The following HCN1 variants were observed in gnomAD, a reference collection of about 807,000 sequenced individuals.
The protein encoded by HCN1 is potassium/sodium hyperpolarization-activated cyclic nucleotide-gated channel 1.
HCN1 carries 13 observed loss-of-function variants against 78.9 expected under a neutral mutation model. That is an observed-to-expected ratio of 0.16 (90% CI 0.11 to 0.26). The LOEUF is 0.26. Among genes scored for constraint, HCN1 ranks in the 10% least tolerant of loss-of-function variants. HCN1 has a pLI of 1.00. For missense variants in HCN1, 810 were observed against 1,154.3 expected (o/e 0.70, Z 4.32); for synonymous variants, 552 against 455.5 (o/e 1.21, Z -2.70).
intron 1 of HCN1, among the ~76,000 whole-genome samples, chr5:45,666,559 C>G (rs1746053384): frequency 6.6e-6 from 1 of 151,954 alleles, no homozygotes; most frequent in Non-Finnish European, 1.5e-5. Flanking sequence ...TAATACATTC[C>G]CTGAATCATG....
At chr5:45,568,768 T>A (rs1743767653) in intron 2 of HCN1, among the ~76,000 whole-genome samples, 1 of 152,136 alleles carries the variant, frequency 6.6e-6, no homozygotes, top group South Asian at 2.1e-4. Context: ...GTTCTTTTTT[T>A]AAGTAGCTTT....
chr5:45,348,383 G>A (rs1335497755), intron 5 of HCN1, among the ~76,000 whole-genome samples: 1 of 151,870 alleles, frequency 6.6e-6, no homozygotes, highest in Non-Finnish European at 1.5e-5. Context: ...ACATGGAAAG[G>A]AACGACCGGT....
intron 2 of HCN1, among the ~76,000 whole-genome samples, chr5:45,491,021 C>T (rs1741872215): frequency 2.0e-5 from 3 of 152,088 alleles, no homozygotes; most frequent in Admixed American, 6.6e-5. Flanking sequence ...GTTTTCCTAT[C>T]TTTATGAATC....
chr5:45,455,151 C>T (rs571620364), intron 3 of HCN1, among the ~76,000 whole-genome samples: 3 of 151,970 alleles, frequency 2.0e-5, no homozygotes, highest in African/African-American at 7.2e-5. Context: ...ACTGTACTCC[C>T]TGGGTATCTA....
At chr5:45,658,049 A>C (rs1012656277) in intron 1 of HCN1, among the ~76,000 whole-genome samples, 1 of 152,174 alleles carries the variant, frequency 6.6e-6, no homozygotes, top group Non-Finnish European at 1.5e-5. Context: ...CAGATAGATC[A>C]ATGGAACAGA....
chr5:45,582,935 A>C (rs1398154030), intron 2 of HCN1, among the ~76,000 whole-genome samples: 1 of 151,794 alleles, frequency 6.6e-6, no homozygotes, highest in Non-Finnish European at 1.5e-5. Flanking sequence ...TATTTTATTG[A>C]GGATTTTGGC....
intron 3 of HCN1, among the ~76,000 whole-genome samples, chr5:45,418,557 A>G (rs928442571): frequency 6.6e-6 from 1 of 151,960 alleles, no homozygotes; most frequent in African/African-American, 2.4e-5. Flanking sequence ...AAAAGATATT[A>G]TGGTAGAATA....
At chr5:45,375,370 A>T (rs1309865172) in intron 4 of HCN1, among the ~76,000 whole-genome samples, 21 of 107,184 alleles carry the variant, frequency 2.0e-4, no homozygotes, top group South Asian at 5.4e-4. Context: ...ATGATATACA[A>T]TATATATAAT....
intron 4 of HCN1, among the ~76,000 whole-genome samples, chr5:45,357,847 C>T (rs1432947214): frequency 6.6e-6 from 1 of 151,918 alleles, no homozygotes; most frequent in Non-Finnish European, 1.5e-5. Context: ...GGGGTGGATC[C>T]CTCAAGGACA....
At chr5:45,650,782 CT>C (rs1384596920) in intron 1 of HCN1, among the ~76,000 whole-genome samples, 1 of 151,626 alleles carries the variant, frequency 6.6e-6, no homozygotes, top group Admixed American at 6.6e-5. Context: ...TTCAGTCATA[CT>C]TTTTTTTCTC....
At chr5:45,416,600 T>G (rs1290562660) in intron 3 of HCN1, among the ~76,000 whole-genome samples, 4 of 151,944 alleles carry the variant, frequency 2.6e-5, no homozygotes, top group Admixed American at 2.6e-4. Context: ...ATAGATTTGG[T>G]AAGAGAAGGA....
At chr5:45,570,383 C>A (rs1303064676) in intron 2 of HCN1, among the ~76,000 whole-genome samples, 2 of 152,020 alleles carry the variant, frequency 1.3e-5, no homozygotes, top group East Asian at 3.9e-4. Context: ...TTCACCTTAT[C>A]ATCTCCATGT....
chr5:45,383,073 G>A (rs1041981283), intron 4 of HCN1, among the ~76,000 whole-genome samples: 6 of 152,144 alleles, frequency 3.9e-5, no homozygotes, highest in African/African-American at 1.2e-4. Context: ...ACTACTATTA[G>A]AGATGAAGAA....
chr5:45,502,600 A>G (rs1742212530), intron 2 of HCN1, among the ~76,000 whole-genome samples: 1 of 152,114 alleles, frequency 6.6e-6, no homozygotes, highest in Non-Finnish European at 1.5e-5. Flanking sequence ...AATGATAACT[A>G]TAATTCACAA....
chr5:45,419,823 A>G (rs79060121), intron 3 of HCN1, among the ~76,000 whole-genome samples: 4,734 of 152,240 alleles, frequency 0.031, 280 homozygotes, highest in African/African-American at 0.11. Flanking sequence ...CATTTCTGTT[A>G]CTACTATTCC....
intron 6 of HCN1, among the ~76,000 whole-genome samples, chr5:45,279,830 A>C (rs762377576): frequency 6.6e-6 from 1 of 152,150 alleles, no homozygotes; most frequent in African/African-American, 2.4e-5. Flanking sequence ...TAACACCCCC[A>C]AAATTAATAG....
intron 3 of HCN1, among the ~76,000 whole-genome samples, chr5:45,403,692 G>T (rs1203047644): frequency 6.6e-6 from 1 of 152,066 alleles, no homozygotes; most frequent in African/African-American, 2.4e-5. Context: ...TGGGGACACA[G>T]CCAAACCATA....
chr5:45,339,878 T>C (rs1746538610), intron 5 of HCN1, among the ~76,000 whole-genome samples: 1 of 152,118 alleles, frequency 6.6e-6, no homozygotes, highest in South Asian at 2.1e-4. Flanking sequence ...CAGTGTAAAT[T>C]ATGGTGTGGC....
intron 3 of HCN1, among the ~76,000 whole-genome samples, chr5:45,425,322 G>T (rs1167660842): frequency 6.6e-6 from 1 of 152,148 alleles, no homozygotes; most frequent in Non-Finnish European, 1.5e-5. Flanking sequence ...TTAATACCAA[G>T]AAATTCATTT....
Sources: gnomAD v4.1 joint callset for allele counts (sites outside exome capture counted in the v4.1 genomes callset) on GRCh38, gnomAD v4.1.1 for gene constraint, MANE v1.5 for transcripts, NCBI Gene and HGNC (gene_info 2026-07-23, HGNC 2026-07-21) for gene names.